Variants in KCNJ6 observed in about 807,000 individuals in gnomAD.
KCNJ6 encodes the protein G protein-activated inward rectifier potassium channel 2.
Under a neutral mutation model 34.2 loss-of-function variants are expected in KCNJ6, and 9 were observed. The ratio of observed to expected loss-of-function variants is 0.26; its 90% CI spans 0.16 to 0.46. KCNJ6 has a LOEUF of 0.46. Ranked by LOEUF, KCNJ6 falls within the 20% of genes least tolerant of loss-of-function variation. The pLI is 1.00. For missense variants in KCNJ6, 236 were observed against 531.3 expected (o/e 0.44, Z 5.46); for synonymous variants, 196 against 207.1 (o/e 0.95, Z 0.46).
At position 37,617,997 on chromosome 21, in the gene KCNJ6, G is replaced by T. The variant is rs1229627028; in HGVS notation, c.*7162C>A. On this transcript the variant is annotated 3_prime_UTR_variant, in exon 4 of 4. Transcript: ENST00000609713. ...TCCAGATGGGCAAGAGCCAGACCCTGCAGGGAGAAGCTCCCCTAGAGAGAC... is the reference window on the plus strand; with the variant it reads ...TCCAGATGGGCAAGAGCCAGACCCTTCAGGGAGAAGCTCCCCTAGAGAGAC... 2.6e-5 allele frequency: 4 copies of T among 152,328 alleles called. No homozygotes were observed. The highest frequency in any genetic ancestry group is 5.9e-5 in the Non-Finnish European group (4 of 68,116). The allele number at this position is 152,328 out of a possible 1,614,324, so 9.4% of individuals were successfully genotyped here.
intron 1 of KCNJ6, among the ~76,000 whole-genome samples, chr21:37,891,985 A>C (rs959255049): frequency 6.6e-6 from 1 of 152,206 alleles, no homozygotes; most frequent in Admixed American, 6.5e-5. Flanking sequence ...GGCAATAAGA[A>C]GACAAAGATT....
At chr21:37,818,001 C>A (rs1022104567) in intron 2 of KCNJ6, among the ~76,000 whole-genome samples, 1 of 152,168 alleles carries the variant, frequency 6.6e-6, no homozygotes, top group African/African-American at 2.4e-5. Flanking sequence ...CCATCTGCCT[C>A]GTACCCAGAA....
chr21:37,729,426 C>T (rs2054872811), intron 2 of KCNJ6, among the ~76,000 whole-genome samples: 1 of 152,060 alleles, frequency 6.6e-6, no homozygotes, highest in Non-Finnish European at 1.5e-5. Context: ...TGGGCCCAAG[C>T]AATCCTCCCA....
chr21:37,634,290 C>T (rs1334075455), intron 3 of KCNJ6, among the ~76,000 whole-genome samples: 1 of 145,936 alleles, frequency 6.9e-6, no homozygotes, highest in East Asian at 2.3e-4. Context: ...GAGCCTGGCA[C>T]CTCCATCCCC....
At chr21:37,889,852 T>C (rs995989677) in intron 1 of KCNJ6, among the ~76,000 whole-genome samples, 1 of 152,346 alleles carries the variant, frequency 6.6e-6, no homozygotes, top group East Asian at 1.9e-4. Context: ...TTCACCCTAA[T>C]GACCTCATCT....
chr21:37,711,608 T>C (rs2054752622), intron 3 of KCNJ6, among the ~76,000 whole-genome samples: 1 of 152,190 alleles, frequency 6.6e-6, no homozygotes, highest in Non-Finnish European at 1.5e-5. Context: ...TTTGAGAGAT[T>C]GAAGCATTTT....
At position 37,846,353 on chromosome 21, in the gene KCNJ6, C is replaced by CTGTGTGTG. The variant is rs55697215; in HGVS notation, c.-27-5652_-27-5645dup. On this transcript the variant is annotated intron_variant, in intron 1 of 3. Transcript: ENST00000609713. ...AGCTCAGAGCTAAGGCTGAGACACT[C>CTGTGTGTG]TGTGTGTGTGTGTGTGTGTGTGTGT... 4.6e-3 allele frequency among the ~76,000 whole-genome samples: 670 copies of CTGTGTGTG among 145,002 alleles called. 3 individuals are homozygous for CTGTGTGTG. The highest frequency in any genetic ancestry group is 9.6e-3 in the Admixed American group (140 of 14,514).
intron 1 of KCNJ6, among the ~76,000 whole-genome samples, chr21:37,846,530 C>T (rs1223230389): frequency 1.3e-5 from 2 of 151,916 alleles, no homozygotes; most frequent in East Asian, 1.9e-4. Flanking sequence ...TGGCAGAACC[C>T]AGTGAGGTCT....
At chr21:37,664,044 AAGT>A (rs1452387716) in intron 3 of KCNJ6, among the ~76,000 whole-genome samples, 1 of 152,230 alleles carries the variant, frequency 6.6e-6, no homozygotes, top group Non-Finnish European at 1.5e-5. Flanking sequence ...ATTAATTAAG[AAGT>A]CAGTAGCAAA....
chr21:37,694,933 C>A (rs1030643457), intron 3 of KCNJ6, among the ~76,000 whole-genome samples: 5 of 152,202 alleles, frequency 3.3e-5, no homozygotes, highest in African/African-American at 9.6e-5. Context: ...AGGAAGAAGG[C>A]CCTCACCAGG....
intron 2 of KCNJ6, among the ~76,000 whole-genome samples, chr21:37,745,950 G>A (rs989681495): frequency 6.6e-6 from 1 of 152,150 alleles, no homozygotes; most frequent in Non-Finnish European, 1.5e-5. Flanking sequence ...AGTTCTGAAG[G>A]CTGGGAAACC....
chr21:37,806,051 A>G (rs2055292158), intron 2 of KCNJ6, among the ~76,000 whole-genome samples: 1 of 152,234 alleles, frequency 6.6e-6, no homozygotes, highest in Non-Finnish European at 1.5e-5. Context: ...CTAACATGAA[A>G]TCTGGCACAC....
At chr21:37,827,205 TG>T in intron 2 of KCNJ6, among the ~76,000 whole-genome samples, 1 of 152,204 alleles carries the variant, frequency 6.6e-6, no homozygotes, top group Non-Finnish European at 1.5e-5. Context: ...CCCTGAATTC[TG>T]TGAGCTGGAC....
At chr21:37,667,655 G>A (rs187678456) in intron 3 of KCNJ6, among the ~76,000 whole-genome samples, 1 of 126,176 alleles carries the variant, frequency 7.9e-6, no homozygotes, top group African/African-American at 2.7e-5. Context: ...GGTAGCAGGC[G>A]CCGGGTAGCA....
chr21:37,859,450 T>G (rs1350820310), intron 1 of KCNJ6, among the ~76,000 whole-genome samples: 1 of 144,354 alleles, frequency 6.9e-6, no homozygotes, highest in Non-Finnish European at 1.5e-5. Context: ...GAAGGGTTTT[T>G]CATTGTCCAC....
intron 3 of KCNJ6, among the ~76,000 whole-genome samples, chr21:37,684,060 A>G (rs1456367632): frequency 6.6e-6 from 1 of 152,244 alleles, no homozygotes; most frequent in African/African-American, 2.4e-5. Flanking sequence ...AAACTGCCCT[A>G]TAATTGTTGT....
intron 1 of KCNJ6, among the ~76,000 whole-genome samples, chr21:37,906,844 A>G (rs1351360173): frequency 1.3e-5 from 2 of 152,130 alleles, no homozygotes; most frequent in South Asian, 2.1e-4. Flanking sequence ...CTCTCTTTAT[A>G]TGCTTTACTA....
chr21:37,734,432 G>C (rs1337055745), intron 2 of KCNJ6, among the ~76,000 whole-genome samples: 1 of 152,140 alleles, frequency 6.6e-6, no homozygotes, highest in African/African-American at 2.4e-5. Flanking sequence ...GGAGTTCTTG[G>C]ATCCAGTGGG....
In KCNJ6 at chr21:37,608,871, T is replaced by C. The variant is rs1458094956; in HGVS notation, c.*16288A>G. The C allele has an allele frequency of 6.6e-6, 1 of 152,190 alleles. No individual in the cohort carries two copies. Among genetic ancestry groups the C allele is most frequent in the Non-Finnish European group, 1.5e-5 (1 of 68,024 alleles). The allele number at this position is 152,190 out of a possible 1,614,324, so 9.4% of individuals were successfully genotyped here. A position where few individuals can be genotyped will look rare whatever the true frequency, so the allele number is the denominator to read the frequency against. The stretch of plus-strand genomic sequence containing the variant: ...TGCTCATGGCCAGCACTCAGGCAAG[T>C]GAATACACATTTGGAGTAATAAAAT... On this transcript the variant is annotated 3_prime_UTR_variant, in exon 4 of 4. Transcript: ENST00000609713.
Sources: gnomAD v4.1 joint callset for allele counts (sites outside exome capture counted in the v4.1 genomes callset) on GRCh38, gnomAD v4.1.1 for gene constraint, MANE v1.5 for transcripts, NCBI Gene and HGNC (gene_info 2026-07-23, HGNC 2026-07-21) for gene names.